SLC26A6: variants seen among roughly 807,000 people sequenced by gnomAD.
The protein encoded by SLC26A6 is anion exchange transporter.
SLC26A6 carries 67 observed loss-of-function variants against 87.1 expected under a neutral mutation model. The ratio of observed to expected loss-of-function variants is 0.77; its 90% CI spans 0.63 to 0.94. The LOEUF (loss-of-function observed/expected upper bound fraction) is 0.94. SLC26A6 is among the 40% of genes least tolerant of loss of function. SLC26A6 has a pLI of 0.00. For synonymous variants in SLC26A6, 414 were observed against 405.9 expected, an observed-to-expected ratio of 1.02 and a Z score of -0.24; for missense variants, 902 against 973.0, an observed-to-expected ratio of 0.93 and a Z score of 0.97.
rs2046603520 is a variant in SLC26A6 at position 48,625,798 on chromosome 3, G to C, written c.*188C>G. On this transcript the variant is annotated 3_prime_UTR_variant, in exon 21 of 21. Coordinates refer to ENST00000395550, the MANE Select transcript of SLC26A6 (RefSeq NM_022911.3). This position sits in a 1 kb window ranked among gnomAD's most constrained non-coding sequence, Gnocchi z 4.7. Reference sequence around the variant, plus strand: ...CCCTGTACCGCGCCACTGCCAGCCTGACTGCATGCAGGCCCTGTCCCAGAC... The same window carrying C: ...CCCTGTACCGCGCCACTGCCAGCCTCACTGCATGCAGGCCCTGTCCCAGAC... 7.4e-6 allele frequency: 5 copies of C among 678,368 alleles called. No homozygotes were observed. The highest frequency in any genetic ancestry group is 1.3e-5 in the Non-Finnish European group (5 of 396,092). 42.0% of individuals were successfully genotyped at this position (678,368 alleles called of 1,614,324 possible). A position where few individuals can be genotyped will look rare whatever the true frequency, so the allele number is the denominator to read the frequency against.
chr3:48,631,558 G>A, intron 7 of SLC26A6, 91 bp downstream of exon 7: 1 of 1,505,614 alleles, frequency 6.6e-7, no homozygotes, highest in Non-Finnish European at 9.0e-7. Context: ...CCCCCCTCCA[G>A]CTGGCCCTCA....
chr3:48,635,303 G>A (rs1311748116), intron 1 of SLC26A6, 68 bp downstream of exon 1: 3 of 1,348,318 alleles, frequency 2.2e-6, no homozygotes, highest in African/African-American at 3.6e-5. Context: ...GCGAGGCGTC[G>A]CAAGCGGAGA....
chr3:48,630,388 G>T, intron 11 of SLC26A6, 50 bp downstream of exon 11: 1 of 1,533,846 alleles, frequency 6.5e-7, no homozygotes, highest in South Asian at 1.2e-5. Context: ...TGGCTGATTT[G>T]AGAGCCCTGG....
chr3:48,630,721 C>T lies in SLC26A6; in HGVS notation c.1135-1G>A. 1 of 1,595,378 alleles carries T rather than the reference C, an allele frequency of 6.3e-7. No individual in the cohort carries two copies. Among genetic ancestry groups the T allele is most frequent in the South Asian group, 1.1e-5 (1 of 88,928 alleles). ...TACTGAGGCCCAGGGCCACCAGCTC[C>T]TGACGGGGGACAGTACGGGTGTGAG... On this transcript the variant is annotated splice_acceptor_variant, in intron 9 of 20. Coordinates refer to ENST00000395550, the MANE Select transcript of SLC26A6 (RefSeq NM_022911.3). LOFTEE classifies it high-confidence loss of function.
rs558512265 is a variant in SLC26A6, at chr3:48,632,018, G to C, written c.612C>G (p.Gly204=). ...GTTCTGACAGGTAGGTGACCACGAA[G>C]CCGAAGTGGATCAGGCCCAGCCCCA... ...FQVGLGLIHF[G]FVVTYLSEPL... Residue 204 remains glycine, a synonymous_variant, in exon 6 of 21, where the codon GGC becomes GGG. Transcript: ENST00000395550. 3.1e-5 allele frequency: 50 copies of C among 1,613,382 alleles called. 1 individual carries two copies. The African/African-American group carries it at 4.1e-4, about 13-fold the overall frequency.
In SLC26A6 at chr3:48,626,290, G is replaced by A. The variant is rs186591921; in HGVS notation, c.2193C>T (p.Leu731=). ...TGACAGCATCATGGACAGAGGCAAA[G>A]AGATGCTTCTTGGTGATGGATGCAT... ...FFDASITKKH[L]FASVHDAVTF... The change falls in exon 20 of 21, where the codon CTC becomes CTT. Residue 731 remains leucine, a synonymous_variant. Coordinates refer to ENST00000395550, the MANE Select transcript of SLC26A6 (RefSeq NM_022911.3). The A allele has an allele frequency of 6.2e-7, 1 of 1,613,958 alleles. No individual in the cohort carries two copies. Among genetic ancestry groups the A allele is most frequent in the Non-Finnish European group, 8.5e-7 (1 of 1,180,018 alleles).
intron 9 of SLC26A6, 22 bp downstream of exon 9, chr3:48,630,971 A>G (rs527821825): frequency 6.2e-7 from 1 of 1,613,030 alleles, no homozygotes; most frequent in African/African-American, 1.3e-5. Context: ...GATGCCTCCT[A>G]CACATCCCGC....
In SLC26A6 at chr3:48,630,108, TGCCTCA is replaced by T. The variant is rs2046742261; in HGVS notation, c.1370_1375del (p.Leu457_Arg458del). 6.2e-7 allele frequency: 1 copy of T among 1,611,490 alleles called. No homozygotes were observed. On this transcript the variant is annotated inframe_deletion, in exon 12 of 21. Transcript: ENST00000395550. Reference sequence around the variant, plus strand: ...CCAGAGGGAGCGCATGTCGCTGAGCTGCCTCAGCATGCCCTTCAGGTTCACAATGAT... The same window carrying T: ...CCAGAGGGAGCGCATGTCGCTGAGCTGCATGCCCTTCAGGTTCACAATGAT...
chr3:48,630,821 A>C lies in SLC26A6; in HGVS notation c.1135-101T>G. The C allele has an allele frequency of 3.3e-6, 5 of 1,494,126 alleles. No homozygotes were observed. In the Admixed American group the frequency reaches 8.9e-5, roughly 27 times the overall value. 92.6% of individuals were successfully genotyped at this position (1,494,126 alleles called of 1,614,324 possible). A position where few individuals can be genotyped will look rare whatever the true frequency, so the allele number is the denominator to read the frequency against. ...GCATCCCCAATCTCCATCCCCACCAAGTGGCCCCCAGAGACTGGATGCTGT... is the reference window on the plus strand; with the variant it reads ...GCATCCCCAATCTCCATCCCCACCACGTGGCCCCCAGAGACTGGATGCTGT... On this transcript the variant is annotated intron_variant, in intron 9 of 20. Coordinates refer to ENST00000395550, the MANE Select transcript of SLC26A6 (RefSeq NM_022911.3).
At chr3:48,626,810 G>A in intron 18 of SLC26A6, 66 bp downstream of exon 18, 1 of 1,603,882 alleles carries the variant, frequency 6.2e-7, no homozygotes, top group Non-Finnish European at 8.5e-7. Context: ...GGCTGGGAGT[G>A]CTCTCAGGGC....
chr3:48,631,483 G>C (rs746314665), intron 7 of SLC26A6, 166 bp downstream of exon 7: 2 of 1,111,844 alleles, frequency 1.8e-6, no homozygotes, highest in Non-Finnish European at 2.5e-6. Context: ...TGCTGTCAGG[G>C]GCAGGAAGAA....
In SLC26A6 at chr3:48,630,666, G is replaced by T; in HGVS notation, c.1189C>A (p.Pro397Thr). ...CTCCGAGACATAGAGCAACTCACGG[G>T]GAAGCACTGGAAGATGCCTCCGATA... is the stretch of plus-strand genomic sequence containing the variant. ...NLIGGIFQCF[P>T]VSCSMSRSLV... The change falls in exon 10 of 21, where the codon CCC (proline) becomes ACC (threonine). Residue 397 changes from proline (P) to threonine (T), a missense_variant. Coordinates refer to ENST00000395550, the MANE Select transcript of SLC26A6 (RefSeq NM_022911.3). 6.2e-7 allele frequency: 1 copy of T among 1,601,872 alleles called. No individual in the cohort carries two copies.
Position 48,625,737 on chromosome 3 carries a change from C to A in SLC26A6, c.*249G>T. ...AGAGACTGGAGTTGAGCAGACAAAT[C>A]TTTATTCCTGAGGCTAAAATATGCA... On this transcript the variant is annotated 3_prime_UTR_variant, in exon 21 of 21. Transcript: ENST00000395550. This position sits in a 1 kb window ranked among gnomAD's most constrained non-coding sequence, Gnocchi z 4.7. The A allele has an allele frequency of 1.7e-6, 1 of 598,998 alleles. No individual in the cohort carries two copies. The highest frequency in any genetic ancestry group is 3.0e-6 in the Non-Finnish European group (1 of 334,444). 37.1% of individuals were successfully genotyped at this position (598,998 alleles called of 1,614,324 possible).
At chr3:48,629,246 A>G (rs2046712210) in intron 14 of SLC26A6, among the ~76,000 whole-genome samples, 1 of 152,076 alleles carries the variant, frequency 6.6e-6, no homozygotes, top group African/African-American at 2.4e-5. Context: ...CTATGTTCCT[A>G]GCACTTGGCC....
In SLC26A6 at chr3:48,631,807, G is replaced by A. The variant is rs1244639545; in HGVS notation, c.751-6C>T. On this transcript the variant is annotated splice_polypyrimidine_tract_variant and splice_region_variant and intron_variant, in intron 6 of 20. Transcript: ENST00000395550. ...CAGCAGACCTCCAGCACTGTCTGAG[G>A]AGAGGCCAGGTCACAGCTAGCACTC... 1.2e-6 allele frequency: 2 copies of A among 1,613,280 alleles called. No homozygotes were observed. The highest frequency in any genetic ancestry group is 1.1e-5 in the South Asian group (1 of 91,092).
chr3:48,626,560 T>G, intron 19 of SLC26A6, 71 bp downstream of exon 19: 11 of 1,603,980 alleles, frequency 6.9e-6, no homozygotes, highest in Non-Finnish European at 9.4e-6. Context: ...CTTGTGCTAC[T>G]TGGAAAACCC....
chr3:48,627,474 T>TG (rs1163427958), intron 17 of SLC26A6: 1 of 189,402 alleles, frequency 5.3e-6, no homozygotes, highest in Non-Finnish European at 1.1e-5. Context: ...CCCCTCAATT[T>TG]TTTTTTTAGA....
At chr3:48,631,575 G>A in intron 7 of SLC26A6, 74 bp downstream of exon 7, 1 of 1,553,988 alleles carries the variant, frequency 6.4e-7, no homozygotes, top group Non-Finnish European at 8.7e-7. Context: ...CTCAAATACA[G>A]GAGGCTGCCC....
chr3:48,630,232 C>T, intron 11 of SLC26A6, 75 bp from the exon 12 acceptor site: 1 of 1,536,264 alleles, frequency 6.5e-7, no homozygotes, highest in Non-Finnish European at 8.9e-7. Flanking sequence ...GAGGCAAAGC[C>T]AGACTAAGCC....
Sources: allele counts gnomAD v4.1 joint callset (sites outside exome capture counted in the v4.1 genomes callset), GRCh38; gene constraint gnomAD v4.1.1; non-coding constraint Gnocchi (gnomAD v3.1); transcripts MANE v1.5; gene names NCBI Gene and HGNC (gene_info 2026-07-23, HGNC 2026-07-21).